PBX1: variants seen among roughly 807,000 people sequenced by gnomAD.
PBX1 encodes PBX homeobox 1.
In PBX1, 6 loss-of-function variants were observed where a neutral mutation model predicts 53.4. That is an observed-to-expected ratio of 0.11 (90% CI 0.06 to 0.22). PBX1 has a LOEUF of 0.22. Among genes scored for constraint, PBX1 ranks in the 10% least tolerant of loss-of-function variants. PBX1 has a pLI of 1.00. For missense variants in PBX1, 251 were observed against 551.4 expected (o/e 0.46, Z 5.46); for synonymous variants, 204 against 212.3 (o/e 0.96, Z 0.34).
chr1:164,821,608 C>T lies in PBX1; in HGVS notation c.1182C>T (p.Tyr394=). Residue 394 remains tyrosine (Y), a synonymous_variant, in exon 8 of 9, where the codon TAC becomes TAT. Transcript: ENST00000420696. The part of the protein sequence containing the change: ...YSDGLAASQM[Y]SPQGISANGG... ...ATGGACTCGCAGCCAGTCAGATGTA[C>T]AGTCCGCAGGGCATCAGTGTAAGAA... 1 of 1,613,752 alleles carries T rather than the reference C, an allele frequency of 6.2e-7. No homozygotes were observed. Among genetic ancestry groups the T allele is most frequent in the Non-Finnish European group, 8.5e-7 (1 of 1,179,658 alleles).
At chr1:164,834,023 ATG>A (rs1670899202) in intron 8 of PBX1, among the ~76,000 whole-genome samples, 1 of 94,824 alleles carries the variant, frequency 1.1e-5, no homozygotes, top group African/African-American at 4.2e-5. Flanking sequence ...GGGTATATAT[ATG>A]TATATGTGTG....
chr1:164,567,093 C>A (rs952869606), intron 2 of PBX1, among the ~76,000 whole-genome samples: 5 of 152,028 alleles, frequency 3.3e-5, no homozygotes, highest in African/African-American at 1.2e-4. Flanking sequence ...CCTGCCACTT[C>A]TTTTTAATAT....
chr1:164,884,272 G>A (rs1266039328), intron 2 of PBX1, among the ~76,000 whole-genome samples: 12 of 152,130 alleles, frequency 7.9e-5, no homozygotes, highest in African/African-American at 2.4e-4. Flanking sequence ...TATTTATCAT[G>A]GAGATTTTTT....
chr1:164,737,872 C>T (rs1557976187), intron 2 of PBX1, among the ~76,000 whole-genome samples: 1 of 152,154 alleles, frequency 6.6e-6, no homozygotes, highest in East Asian at 1.9e-4. Flanking sequence ...CCTCATGCCC[C>T]TTTACAGTCA....
intron 2 of PBX1, among the ~76,000 whole-genome samples, chr1:164,606,311 G>T (rs2101814554): frequency 6.6e-6 from 1 of 152,292 alleles, no homozygotes; most frequent in Non-Finnish European, 1.5e-5. Flanking sequence ...CCAACATGAT[G>T]AAACCCCATC....
chr1:164,763,416 A>G (rs1218443333), intron 2 of PBX1, among the ~76,000 whole-genome samples: 1 of 152,208 alleles, frequency 6.6e-6, no homozygotes, highest in Admixed American at 6.5e-5. Flanking sequence ...TTCTAGCATA[A>G]TACTTGTACT....
intron 4 of PBX1, 130 bp downstream of exon 4, chr1:164,800,019 G>A: frequency 1.3e-6 from 1 of 778,078 alleles, no homozygotes; most frequent in East Asian, 2.7e-5. Context: ...CCCTGAGGAT[G>A]GTTCTGCGAG....
intron 2 of PBX1, among the ~76,000 whole-genome samples, chr1:164,702,685 A>G (rs891433895): frequency 6.0e-5 from 9 of 150,400 alleles, no homozygotes; most frequent in Non-Finnish European, 1.3e-4. Flanking sequence ...TGAAAATGAA[A>G]GGGGGAGGTG....
chr1:164,729,257 G>A (rs1177383311), intron 2 of PBX1, among the ~76,000 whole-genome samples: 2 of 152,194 alleles, frequency 1.3e-5, no homozygotes, highest in African/African-American at 4.8e-5. Flanking sequence ...TTATTGATAT[G>A]AAGTGAGTTT....
At chr1:164,676,685 C>T (rs1032784734) in intron 2 of PBX1, among the ~76,000 whole-genome samples, 1 of 152,190 alleles carries the variant, frequency 6.6e-6, no homozygotes, top group Non-Finnish European at 1.5e-5. Flanking sequence ...CCCTAACTTG[C>T]TAGCTAAGTG....
intron 2 of PBX1, among the ~76,000 whole-genome samples, chr1:164,589,077 A>C (rs1655171409): frequency 6.6e-6 from 1 of 151,456 alleles, no homozygotes; most frequent in Admixed American, 6.6e-5. Context: ...CCTTTTCCTG[A>C]CTCCTCACCC....
At chr1:164,865,091 G>A (rs113943584) in intron 2 of PBX1, among the ~76,000 whole-genome samples, 13 of 152,352 alleles carry the variant, frequency 8.5e-5, no homozygotes, top group African/African-American at 2.6e-4. Context: ...TTTATAAGGT[G>A]TACTGACACA....
chr1:164,884,593 T>G (rs1222733292), intron 2 of PBX1: 1 of 514,176 alleles, frequency 1.9e-6, no homozygotes, highest in Non-Finnish European at 3.8e-6. Context: ...TGACAGCAAG[T>G]CCTCTTCTCT....
chr1:164,699,804 A>C (rs1663009113), intron 2 of PBX1, among the ~76,000 whole-genome samples: 1 of 152,140 alleles, frequency 6.6e-6, no homozygotes, highest in African/African-American at 2.4e-5. Flanking sequence ...TAATATAAAA[A>C]AGCCCAGCAG....
intron 2 of PBX1, among the ~76,000 whole-genome samples, chr1:164,668,420 G>A (rs1006566854): frequency 2.0e-5 from 3 of 152,030 alleles, no homozygotes; most frequent in Non-Finnish European, 2.9e-5. Context: ...CCTCTCACAC[G>A]CCAACATCTT....
intron 2 of PBX1, among the ~76,000 whole-genome samples, chr1:164,565,768 CT>C (rs1653393708): frequency 1.3e-5 from 2 of 150,340 alleles, no homozygotes; most frequent in African/African-American, 4.9e-5. Flanking sequence ...TTTTTTCCCC[CT>C]CTTCTTCTTG....
intron 2 of PBX1, among the ~76,000 whole-genome samples, chr1:164,675,856 T>G (rs1348820840): frequency 6.6e-6 from 1 of 152,128 alleles, no homozygotes; most frequent in Non-Finnish European, 1.5e-5. Flanking sequence ...AGACTAGGTT[T>G]TAGACTTTTT....
chr1:164,562,075 A>T (rs958779686), intron 1 of PBX1, among the ~76,000 whole-genome samples: 7 of 151,770 alleles, frequency 4.6e-5, no homozygotes, highest in Non-Finnish European at 8.8e-5. Context: ...TCACACCTTT[A>T]TAATGTGTAT....
At chr1:164,718,565 T>C (rs537430195) in intron 2 of PBX1, among the ~76,000 whole-genome samples, 2 of 152,352 alleles carry the variant, frequency 1.3e-5, no homozygotes, top group South Asian at 4.1e-4. Flanking sequence ...ACTGTGCTTC[T>C]TGTTATCACA....
Sources: gnomAD v4.1 joint callset for allele counts (sites outside exome capture counted in the v4.1 genomes callset) on GRCh38, gnomAD v4.1.1 for gene constraint, MANE v1.5 for transcripts, NCBI Gene and HGNC (gene_info 2026-07-23, HGNC 2026-07-21) for gene names.